AP3B1: variants seen among roughly 807,000 people sequenced by gnomAD.
AP3B1 encodes the protein adaptor related protein complex 3 subunit beta 1.
Under a neutral mutation model 132.5 loss-of-function variants are expected in AP3B1, and 61 were observed. The observed-to-expected ratio is 0.46, with a 90% CI of 0.37 to 0.57. The LOEUF (loss-of-function observed/expected upper bound fraction) is 0.57, where lower values mean the gene tolerates loss of function less well. Ranked by LOEUF, AP3B1 falls within the 20% of genes least tolerant of loss-of-function variation. The probability of loss-of-function intolerance (pLI) is 0.00; values close to 1 mark genes in which losing one functional copy is unlikely to be tolerated. For synonymous variants in AP3B1, 388 were observed against 438.3 expected, an observed-to-expected ratio of 0.89 and a Z score of 1.43; for missense variants, 1,120 against 1,289.4, an observed-to-expected ratio of 0.87 and a Z score of 2.01.
intron 2 of AP3B1, among the ~76,000 whole-genome samples, chr5:78,249,659 C>T (rs1448214671): frequency 6.8e-6 from 1 of 146,416 alleles, no homozygotes; most frequent in African/African-American, 2.5e-5. Context: ...TGTTGGCTCA[C>T]TGCAGCCTCA....
At chr5:78,084,866 T>C (rs972360960) in intron 22 of AP3B1, among the ~76,000 whole-genome samples, 1 of 152,086 alleles carries the variant, frequency 6.6e-6, no homozygotes, top group Non-Finnish European at 1.5e-5. Context: ...ATTTAGATTA[T>C]ATATATAACA....
intron 3 of AP3B1, among the ~76,000 whole-genome samples, chr5:78,239,269 G>A (rs1385455327): frequency 3.3e-5 from 5 of 151,586 alleles, no homozygotes; most frequent in East Asian, 3.9e-4. Context: ...CTGGGAGTTC[G>A]AAACCAGCCT....
chr5:78,128,901 T>G (rs1236848003), intron 16 of AP3B1, among the ~76,000 whole-genome samples: 1 of 151,974 alleles, frequency 6.6e-6, no homozygotes, highest in African/African-American at 2.4e-5. Flanking sequence ...TCAGAACGCT[T>G]AAAATTATTT....
intron 2 of AP3B1, among the ~76,000 whole-genome samples, chr5:78,255,303 C>T (rs1747804469): frequency 6.6e-6 from 1 of 151,746 alleles, no homozygotes; most frequent in Non-Finnish European, 1.5e-5. Flanking sequence ...AACAGAGTGG[C>T]CGAATGGATG....
intron 7 of AP3B1, among the ~76,000 whole-genome samples, chr5:78,191,371 A>AG (rs936806623): frequency 6.7e-6 from 1 of 150,188 alleles, no homozygotes; most frequent in Non-Finnish European, 1.5e-5. Flanking sequence ...AAAAAAAAAA[A>AG]AAAAAAGGAT....
chr5:78,283,540 C>T (rs187958168), intron 1 of AP3B1, among the ~76,000 whole-genome samples: 14 of 152,230 alleles, frequency 9.2e-5, no homozygotes, highest in Non-Finnish European at 1.8e-4. Flanking sequence ...CTTCACATGC[C>T]GCACACACAC....
At chr5:78,015,953 A>C (rs982770857) in intron 25 of AP3B1, 1 of 221,936 alleles carries the variant, frequency 4.5e-6, no homozygotes, top group Admixed American at 5.4e-5. Context: ...TCATTCAAAG[A>C]TCTCTCATTG....
At chr5:78,206,102 G>C (rs962437304) in intron 7 of AP3B1, among the ~76,000 whole-genome samples, 1 of 152,002 alleles carries the variant, frequency 6.6e-6, no homozygotes, top group African/African-American at 2.4e-5. Context: ...AAATTGGAAT[G>C]AATCAGCAAC....
intron 7 of AP3B1, among the ~76,000 whole-genome samples, chr5:78,198,151 T>C (rs1340467814): frequency 6.6e-6 from 1 of 152,216 alleles, no homozygotes; most frequent in Admixed American, 6.5e-5. Context: ...TATACCCACT[T>C]GCCTTCTGAA....
intron 17 of AP3B1, among the ~76,000 whole-genome samples, chr5:78,116,626 G>GA (rs1328491733): frequency 3.3e-5 from 5 of 151,136 alleles, no homozygotes; most frequent in South Asian, 2.1e-4. Context: ...AAAAAAAAAA[G>GA]AAAGAAAAGA....
chr5:78,028,400 G>A (rs547511231), intron 24 of AP3B1, among the ~76,000 whole-genome samples: 38 of 151,354 alleles, frequency 2.5e-4, no homozygotes, highest in African/African-American at 9.0e-4. Context: ...GGAGGCGGAG[G>A]TTGCAGTGAG....
intron 7 of AP3B1, among the ~76,000 whole-genome samples, chr5:78,203,778 T>C (rs959324516): frequency 6.6e-6 from 1 of 152,194 alleles, no homozygotes; most frequent in South Asian, 2.1e-4. Context: ...TCTGTTCATC[T>C]TCATGCTTTT....
chr5:78,022,830 TG>T (rs1747162133), intron 24 of AP3B1, among the ~76,000 whole-genome samples: 3 of 152,180 alleles, frequency 2.0e-5, no homozygotes, highest in Non-Finnish European at 4.4e-5. Context: ...ATTTACTGTG[TG>T]TTTTTTACTT....
chr5:78,246,251 T>C (rs968496084), intron 2 of AP3B1, among the ~76,000 whole-genome samples: 8 of 152,202 alleles, frequency 5.3e-5, no homozygotes, highest in Non-Finnish European at 1.0e-4. Context: ...AGCCCCAACA[T>C]CAATGTTTTT....
chr5:78,097,141 C>T (rs1750865560), intron 21 of AP3B1, among the ~76,000 whole-genome samples: 2 of 130,648 alleles, frequency 1.5e-5, no homozygotes, highest in African/African-American at 3.2e-5. Context: ...GCCAGCCGCC[C>T]CGTCCGGGAG....
intron 9 of AP3B1, among the ~76,000 whole-genome samples, chr5:78,177,117 A>T (rs746687829): frequency 1.3e-5 from 2 of 152,188 alleles, no homozygotes; most frequent in African/African-American, 4.8e-5. Context: ...AAATATTTTC[A>T]ATATCTTTGG....
At chr5:78,161,478 A>G (rs562450206) in intron 13 of AP3B1, among the ~76,000 whole-genome samples, 30 of 152,136 alleles carry the variant, frequency 2.0e-4, no homozygotes, top group Non-Finnish European at 3.7e-4. Context: ...GGTTGAATAG[A>G]AAGTCATTAT....
chr5:78,025,551 T>G (rs1233147719), intron 24 of AP3B1, among the ~76,000 whole-genome samples: 1 of 152,218 alleles, frequency 6.6e-6, no homozygotes, highest in African/African-American at 2.4e-5. Flanking sequence ...AAAGTTTTGC[T>G]TTTCTGACAT....
At chr5:78,116,084 C>T (rs952189592) in intron 18 of AP3B1, 42 bp downstream of exon 18, 2 of 1,389,722 alleles carry the variant, frequency 1.4e-6, no homozygotes, top group Non-Finnish European at 2.0e-6. Flanking sequence ...AGAATGTAAT[C>T]TACTATGTAA....
Sources: gnomAD v4.1 joint callset for allele counts (sites outside exome capture counted in the v4.1 genomes callset) on GRCh38, gnomAD v4.1.1 for gene constraint, MANE v1.5 for transcripts, NCBI Gene and HGNC (gene_info 2026-07-23, HGNC 2026-07-21) for gene names.